The following MAMLD1 variants were observed in gnomAD, a reference collection of about 807,000 sequenced individuals.
The protein encoded by MAMLD1 is mastermind-like domain-containing protein 1.
Under a neutral mutation model 45.0 loss-of-function variants are expected in MAMLD1, and 14 were observed. The observed-to-expected ratio is 0.31, with a 90% CI of 0.21 to 0.49. MAMLD1 has a LOEUF of 0.49. Ranked by LOEUF, MAMLD1 falls within the 20% of genes least tolerant of loss-of-function variation. MAMLD1 has a pLI of 0.99. For synonymous variants in MAMLD1, 254 were observed against 247.8 expected (o/e 1.02, Z -0.24); for missense variants, 543 against 603.6 (o/e 0.90, Z 1.05).
chrX:150,403,978 AAGAAAG>A (rs1459631063), intron 1 of MAMLD1, among the ~76,000 whole-genome samples: 1 of 98,674 alleles, frequency 1.0e-5, no homozygotes, highest in Non-Finnish European at 2.1e-5. Context: ...GAAAGAAAGA[AAGAAAG>A]AAAGAAAGAA....
At chrX:150,399,962 A>C (rs1447488319) in intron 1 of MAMLD1, among the ~76,000 whole-genome samples, 1 of 112,100 alleles carries the variant, frequency 8.9e-6, no homozygotes, top group Non-Finnish European at 1.9e-5. Context: ...GTACTCAATC[A>C]TCTTATATTT....
intron 1 of MAMLD1, among the ~76,000 whole-genome samples, chrX:150,370,034 G>C (rs2031838112): frequency 9.3e-6 from 1 of 107,960 alleles, no homozygotes; most frequent in Non-Finnish European, 1.9e-5. Flanking sequence ...ACATATAATG[G>C]ATGTAACTAA....
At chrX:150,400,669 C>G (rs1281369737) in intron 1 of MAMLD1, among the ~76,000 whole-genome samples, 14 of 110,954 alleles carry the variant, frequency 1.3e-4, no homozygotes, top group African/African-American at 2.6e-4. Flanking sequence ...TAGCATGAAG[C>G]GTTGTTGAAT....
chrX:150,462,299 A>G (rs909686289), intron 2 of MAMLD1, among the ~76,000 whole-genome samples: 8 of 112,233 alleles, frequency 7.1e-5, no homozygotes, highest in African/African-American at 2.6e-4. Context: ...GGTGAGGCAC[A>G]TAGGAGAGGG....
chrX:150,398,254 GAAGA>G (rs1569564544), intron 1 of MAMLD1, among the ~76,000 whole-genome samples: 27 of 21,850 alleles, frequency 1.2e-3, no homozygotes, highest in Middle Eastern at 0.027. Flanking sequence ...AGGAGAAGGA[GAAGA>G]AGAAGAAGAA....
intron 1 of MAMLD1, among the ~76,000 whole-genome samples, chrX:150,443,430 T>C (rs1358019531): frequency 9.3e-6 from 1 of 107,045 alleles, no homozygotes; most frequent in African/African-American, 3.4e-5. Flanking sequence ...TATTATACTT[T>C]AAGTTTTAGG....
At chrX:150,369,113 C>A (rs781891197) in intron 1 of MAMLD1, among the ~76,000 whole-genome samples, 1 of 110,939 alleles carries the variant, frequency 9.0e-6, no homozygotes, top group East Asian at 2.8e-4. Flanking sequence ...TCATTGGTAG[C>A]TTGATGGGGA....
intron 2 of MAMLD1, among the ~76,000 whole-genome samples, chrX:150,459,945 A>C (rs1161965846): frequency 9.0e-6 from 1 of 111,451 alleles, no homozygotes; most frequent in Non-Finnish European, 1.9e-5. Flanking sequence ...TCCAGCCCCC[A>C]CCAATTTGGA....
At chrX:150,430,019 C>CTTTTTTTTTTTTTTTTTTTTTTTTTTTTT (rs1174092962) in intron 1 of MAMLD1, among the ~76,000 whole-genome samples, 2 of 49,228 alleles carry the variant, frequency 4.1e-5, no homozygotes, top group South Asian at 1.9e-3. Context: ...TCTTTCTTTT[C>CTTTTTTTTTTTTTTTTTTTTTTTTTTTTT]TTTTTTTTTT....
intron 1 of MAMLD1, among the ~76,000 whole-genome samples, chrX:150,403,720 G>A (rs781921581): frequency 6.5e-5 from 7 of 107,668 alleles, no homozygotes; most frequent in East Asian, 2.9e-4. Context: ...CAGGAGGATC[G>A]CTTGAACCGA....
chrX:150,455,782 T>TC (rs1417955392), intron 2 of MAMLD1, among the ~76,000 whole-genome samples: 3 of 50,551 alleles, frequency 5.9e-5, no homozygotes, highest in Admixed American at 2.4e-4. Context: ...TTCTTCTTCT[T>TC]TTTTTTTTTT....
intron 1 of MAMLD1, among the ~76,000 whole-genome samples, chrX:150,387,458 A>G (rs2032986442): frequency 8.9e-6 from 1 of 112,023 alleles, no homozygotes; most frequent in South Asian, 3.7e-4. Flanking sequence ...TGTTATTTTG[A>G]TATTTTTTAA....
chrX:150,406,554 T>G (rs2034003010), intron 1 of MAMLD1, among the ~76,000 whole-genome samples: 1 of 111,703 alleles, frequency 9.0e-6, no homozygotes, highest in South Asian at 3.8e-4. Flanking sequence ...CCCATAGTCC[T>G]TGGAAGACCC....
chrX:150,375,244 C>T (rs188142087), intron 1 of MAMLD1, among the ~76,000 whole-genome samples: 47 of 111,679 alleles, frequency 4.2e-4, no homozygotes, highest in Admixed American at 3.8e-3. Context: ...TTTCCTTGGC[C>T]CTTGTTGATC....
chrX:150,364,324 G>A (rs1179357513), intron 1 of MAMLD1, among the ~76,000 whole-genome samples: 6 of 113,261 alleles, frequency 5.3e-5, no homozygotes, highest in Admixed American at 1.8e-4. Flanking sequence ...TGTGTCCGAA[G>A]CCTCCTGGAA....
intron 5 of MAMLD1, among the ~76,000 whole-genome samples, chrX:150,499,789 T>A (rs1557408450): frequency 1.8e-5 from 2 of 112,013 alleles, no homozygotes; most frequent in Non-Finnish European, 3.8e-5. Flanking sequence ...TAAAGCATGT[T>A]CAGTAAATAT....
chrX:150,370,585 C>T (rs148926339), intron 1 of MAMLD1, among the ~76,000 whole-genome samples: 1,599 of 110,902 alleles, frequency 0.014, 33 homozygotes, highest in African/African-American at 0.049. Context: ...CTGTGGGGTC[C>T]TGCTCCCAAA....
chrX:150,427,394 A>C (rs1368867365), intron 1 of MAMLD1, among the ~76,000 whole-genome samples: 1 of 112,364 alleles, frequency 8.9e-6, no homozygotes, highest in South Asian at 3.7e-4. Context: ...TGAAAGCAGG[A>C]GTTCTTTTGG....
At chrX:150,369,238 C>T (rs1486529688) in intron 1 of MAMLD1, among the ~76,000 whole-genome samples, 1 of 110,710 alleles carries the variant, frequency 9.0e-6, no homozygotes, top group African/African-American at 3.3e-5. Context: ...GAAAGTTCTG[C>T]CCACTAATTA....
Sources: allele counts gnomAD v4.1 joint callset (sites outside exome capture counted in the v4.1 genomes callset), GRCh38; gene constraint gnomAD v4.1.1; transcripts MANE v1.5; gene names NCBI Gene and HGNC (gene_info 2026-07-23, HGNC 2026-07-21).